DGKH: variants seen among roughly 807,000 people sequenced by gnomAD.
DGKH encodes DAG kinase eta.
A neutral mutation model predicts 159.3 loss-of-function variants in DGKH; 90 were observed. The observed-to-expected ratio is 0.57, with a 90% CI of 0.48 to 0.67. The LOEUF (loss-of-function observed/expected upper bound fraction) is 0.67. Among genes scored for constraint, DGKH ranks in the 30% least tolerant of loss-of-function variants. The pLI is 0.00. For missense variants in DGKH, 1,181 were observed against 1,506.1 expected (o/e 0.78, Z 3.57); for synonymous variants, 536 against 553.8 (o/e 0.97, Z 0.45).
intron 28 of DGKH, among the ~76,000 whole-genome samples, chr13:42,220,431 C>G (rs1169102060): frequency 2.0e-5 from 3 of 152,148 alleles, no homozygotes; most frequent in Non-Finnish European, 4.4e-5. Context: ...TACAGGTATG[C>G]TAGTACTAAA....
intron 17 of DGKH, among the ~76,000 whole-genome samples, chr13:42,197,185 G>A (rs951123786): frequency 6.7e-6 from 1 of 149,004 alleles, no homozygotes; most frequent in African/African-American, 2.5e-5. Flanking sequence ...GGGAGGCGGA[G>A]GTTGCAGTGA....
At chr13:42,061,422 A>C (rs1371115378) in intron 1 of DGKH, among the ~76,000 whole-genome samples, 9 of 152,178 alleles carry the variant, frequency 5.9e-5, no homozygotes, top group African/African-American at 1.2e-4. Flanking sequence ...CTTTTTATTA[A>C]AAAGAAAAGC....
At chr13:42,243,791 A>C (rs1958553400), downstream of DGKH, among the ~76,000 whole-genome samples, 1 of 152,124 alleles carries the variant, frequency 6.6e-6, no homozygotes, top group African/African-American at 2.4e-5. Flanking sequence ...TAAGGGAGAG[A>C]TAGAAGGTGG....
At position 42,116,613 on chromosome 13, in the gene DGKH, A is replaced by T. The variant is rs144442506; in HGVS notation, c.193-10850A>T. 9.8e-5 allele frequency among the ~76,000 whole-genome samples: 15 copies of T among 152,326 alleles called. No individual in the cohort carries two copies. The East Asian group carries it at 2.9e-3, about 29-fold the overall frequency. On this transcript the variant is annotated intron_variant, in intron 1 of 29. Coordinates refer to ENST00000337343, the MANE Select transcript of DGKH (RefSeq NM_178009.5). ...TCAGGCAGTGCCTGATTTTTCAAGG[A>T]TTCTTAGCTTTACAAAAGGCTCATC...
intron 1 of DGKH, among the ~76,000 whole-genome samples, chr13:42,079,471 T>C (rs1954161049): frequency 2.6e-5 from 4 of 152,024 alleles, no homozygotes; most frequent in Non-Finnish European, 4.4e-5. Flanking sequence ...CTCTCGCCCC[T>C]CCAAGCCTCC....
chr13:42,041,565 T>C (rs962467181), intron 1 of DGKH, among the ~76,000 whole-genome samples: 3 of 152,176 alleles, frequency 2.0e-5, no homozygotes, highest in Non-Finnish European at 4.4e-5. Flanking sequence ...GTGTCTTAAG[T>C]GTGCGAGGAT....
At position 42,233,443 on chromosome 13, in the gene DGKH, A is replaced by C. The variant is rs1958348917; in HGVS notation, c.*4255A>C. 1 of 152,324 alleles carries C rather than the reference A, an allele frequency of 6.6e-6. No homozygotes were observed. Among genetic ancestry groups the C allele is most frequent in the East Asian group, 1.9e-4 (1 of 5,184 alleles). 9.4% of individuals were successfully genotyped at this position (152,324 alleles called of 1,614,324 possible). Reference sequence around the variant, plus strand: ...ACATCCATTTTATCCTTCCTTAGCTATTAGGGATGTGAGGTCCGAGGGCTT... The same window carrying C: ...ACATCCATTTTATCCTTCCTTAGCTCTTAGGGATGTGAGGTCCGAGGGCTT... On this transcript the variant is annotated 3_prime_UTR_variant, in exon 30 of 30. Coordinates refer to ENST00000337343, the MANE Select transcript of DGKH (RefSeq NM_178009.5).
chr13:42,202,850 G>A (rs1957380429), intron 20 of DGKH, among the ~76,000 whole-genome samples: 1 of 152,160 alleles, frequency 6.6e-6, no homozygotes, highest in Admixed American at 6.5e-5. Flanking sequence ...TAAGAAGGAT[G>A]ACTTTTTTGC....
At chr13:42,253,153 G>A (rs1287827404) in intron 30 of DGKH, among the ~76,000 whole-genome samples, 1 of 152,198 alleles carries the variant, frequency 6.6e-6, no homozygotes, top group Non-Finnish European at 1.5e-5. Context: ...GAGTGCTATA[G>A]TCTAGTTTGT....
chr13:42,207,230 C>G (rs1347063075), intron 21 of DGKH, among the ~76,000 whole-genome samples: 4 of 146,514 alleles, frequency 2.7e-5, no homozygotes, highest in African/African-American at 1.0e-4. Context: ...TACTCTGTCG[C>G]TCAGACTGGA....
At chr13:42,213,078 G>A (rs560705213) in intron 24 of DGKH, among the ~76,000 whole-genome samples, 1 of 152,306 alleles carries the variant, frequency 6.6e-6, no homozygotes, top group Non-Finnish European at 1.5e-5. Flanking sequence ...GGAGGAGCCA[G>A]ATCTTTACTG....
In DGKH at chr13:42,084,605, A is replaced by G. The variant is rs7333660; in HGVS notation, c.192+35640A>G. On this transcript the variant is annotated intron_variant, in intron 1 of 29. Transcript: ENST00000337343. ...TATTGCGTATTTTTAAACAAATGTT[A>G]AAATAACTTTGATGGCTATGTTTTA... 9.1e-3 allele frequency among the ~76,000 whole-genome samples: 1,380 copies of G among 152,316 alleles called. 25 individuals carry two copies. Among genetic ancestry groups the G allele is most frequent in the African/African-American group, 0.031 (1,290 of 41,580 alleles).
intron 3 of DGKH, 51 bp downstream of exon 3, chr13:42,129,683 T>C (rs1289997257): frequency 3.3e-6 from 5 of 1,526,420 alleles, no homozygotes; most frequent in Non-Finnish European, 2.7e-6. Flanking sequence ...GAATGACCTT[T>C]CTTAAGCGTG....
Position 42,215,589 on chromosome 13 carries a change from C to T in DGKH, c.3135C>T (p.Asp1045=). The change falls in exon 26 of 30, where the codon GAC becomes GAT. Residue 1045 remains aspartate (D), a synonymous_variant. Transcript: ENST00000337343. Reference sequence around the variant, plus strand: ...TTCTTTTCTAGAGTCTTACAAGAGACACTGCCACTGAAATAGCCATCAATG... The same window carrying T: ...TTCTTTTCTAGAGTCTTACAAGAGATACTGCCACTGAAATAGCCATCAATG... ...NPRCPESLTR[D]TATEIAINVK... is the part of the protein sequence containing the mutation. 6.2e-7 allele frequency: 1 copy of T among 1,610,096 alleles called. No homozygotes were observed. The highest frequency in any genetic ancestry group is 8.5e-7 in the Non-Finnish European group (1 of 1,177,612).
chr13:42,163,261 A>G (rs1446035171), intron 7 of DGKH, among the ~76,000 whole-genome samples: 3 of 151,742 alleles, frequency 2.0e-5, no homozygotes, highest in Non-Finnish European at 2.9e-5. Context: ...CCAGTCTATC[A>G]TTGTTGGACA....
intron 7 of DGKH, among the ~76,000 whole-genome samples, chr13:42,164,607 A>T (rs1160781072): frequency 6.6e-6 from 1 of 152,236 alleles, no homozygotes; most frequent in Non-Finnish European, 1.5e-5. Context: ...GGCTCTCCAG[A>T]CAAGTACACA....
At chr13:42,170,152 G>T (rs1487080854) in intron 11 of DGKH, among the ~76,000 whole-genome samples, 2 of 152,190 alleles carry the variant, frequency 1.3e-5, no homozygotes, top group African/African-American at 4.8e-5. Flanking sequence ...AACAAAAGGG[G>T]TTATTTAAAT....
chr13:42,144,480 A>G (rs918876593), intron 3 of DGKH, among the ~76,000 whole-genome samples: 1 of 152,154 alleles, frequency 6.6e-6, no homozygotes, highest in Admixed American at 6.5e-5. Flanking sequence ...TGAGGCCTGG[A>G]GTTAGAGACC....
intron 11 of DGKH, among the ~76,000 whole-genome samples, chr13:42,170,468 T>C (rs1263078653): frequency 6.6e-6 from 1 of 152,116 alleles, no homozygotes; most frequent in Non-Finnish European, 1.5e-5. Flanking sequence ...TCCAGGTGGT[T>C]AGCCAAGAAA....
Sources: allele counts gnomAD v4.1 joint callset (sites outside exome capture counted in the v4.1 genomes callset), GRCh38; gene constraint gnomAD v4.1.1; transcripts MANE v1.5; gene names NCBI Gene and HGNC (gene_info 2026-07-23, HGNC 2026-07-21).